Variants in LNX1 observed in about 807,000 individuals in gnomAD.
The protein encoded by LNX1 is E3 ubiquitin-protein ligase LNX.
A neutral mutation model predicts 68.4 loss-of-function variants in LNX1; 54 were observed. The ratio of observed to expected loss-of-function variants is 0.79; its 90% confidence interval spans 0.63 to 0.99. LNX1 has a LOEUF of 0.99. Among genes scored for constraint, LNX1 ranks in the 50% least tolerant of loss-of-function variants. The pLI is 0.00. For synonymous variants in LNX1, 336 were observed against 350.0 expected (o/e 0.96, Z 0.45); for missense variants, 906 against 926.4 (o/e 0.98, Z 0.29).
At chr4:53,628,193 T>A (rs1734144652) in intron 1 of LNX1, among the ~76,000 whole-genome samples, 1 of 151,998 alleles carries the variant, frequency 6.6e-6, no homozygotes, top group African/African-American at 2.4e-5. Context: ...AAAATAATCA[T>A]CAGGAGAAAC....
intron 2 of LNX1, among the ~76,000 whole-genome samples, chr4:53,545,495 C>T (rs923796966): frequency 2.0e-5 from 3 of 152,204 alleles, no homozygotes; most frequent in African/African-American, 4.8e-5. Context: ...GAAGTTTCCT[C>T]AGCCTCAATA....
At chr4:53,586,047 A>G (rs552159092) in intron 1 of LNX1, among the ~76,000 whole-genome samples, 2 of 152,282 alleles carry the variant, frequency 1.3e-5, no homozygotes, top group East Asian at 3.9e-4. Context: ...CTATTAGAAA[A>G]TGTATTAATT....
chr4:53,648,706 T>TG (rs1311155795), intron 1 of LNX1, among the ~76,000 whole-genome samples: 1 of 152,164 alleles, frequency 6.6e-6, no homozygotes, highest in Non-Finnish European at 1.5e-5. Flanking sequence ...GCTCCAACAA[T>TG]GGGGGCTGAA....
intron 9 of LNX1, among the ~76,000 whole-genome samples, chr4:53,470,021 G>A (rs925499311): frequency 6.6e-6 from 1 of 151,966 alleles, no homozygotes; most frequent in African/African-American, 2.4e-5. Flanking sequence ...TAACAAAGCC[G>A]GGCAGAGACA....
intron 2 of LNX1, among the ~76,000 whole-genome samples, chr4:53,598,448 G>C (rs552325674): frequency 3.9e-5 from 6 of 152,192 alleles, no homozygotes; most frequent in Admixed American, 2.6e-4. Context: ...GCCCAGGCTG[G>C]TCTCGAACTC....
At chr4:53,631,106 G>C (rs1734252958) in intron 1 of LNX1, among the ~76,000 whole-genome samples, 1 of 152,170 alleles carries the variant, frequency 6.6e-6, no homozygotes, top group Non-Finnish European at 1.5e-5. Flanking sequence ...GTGAGGGATA[G>C]AGGAGGAGGA....
At chr4:53,510,411 T>C (rs1373672878) in intron 2 of LNX1, among the ~76,000 whole-genome samples, 1 of 152,260 alleles carries the variant, frequency 6.6e-6, no homozygotes, top group African/African-American at 2.4e-5. Context: ...AGTTTGGTTA[T>C]ACAACCTTAT....
At chr4:53,481,337 C>T (rs1723901323) in intron 7 of LNX1, among the ~76,000 whole-genome samples, 1 of 152,218 alleles carries the variant, frequency 6.6e-6, no homozygotes, top group Non-Finnish European at 1.5e-5. Flanking sequence ...TCACTCATTT[C>T]TAGGCAGACT....
chr4:53,538,109 A>AAACAG (rs1728503092), intron 2 of LNX1, among the ~76,000 whole-genome samples: 2 of 152,382 alleles, frequency 1.3e-5, no homozygotes, highest in East Asian at 3.9e-4. Flanking sequence ...CATTAAAACA[A>AAACAG]AACAGAACAA....
At chr4:53,461,332 C>A (rs1722070104) in intron 10 of LNX1, 103 bp downstream of exon 10, 1 of 950,244 alleles carries the variant, frequency 1.1e-6, no homozygotes, top group African/African-American at 1.6e-5. Context: ...TTTTAATCCC[C>A]ACAAAGTATA....
At chr4:53,505,044 G>T (rs1449753100) in intron 4 of LNX1, among the ~76,000 whole-genome samples, 1 of 152,116 alleles carries the variant, frequency 6.6e-6, no homozygotes, top group African/African-American at 2.4e-5. Flanking sequence ...AAACAGACTT[G>T]TTGGCTACAG....
At chr4:53,585,526 T>C (rs1379454527) in intron 1 of LNX1, among the ~76,000 whole-genome samples, 2 of 152,146 alleles carry the variant, frequency 1.3e-5, no homozygotes, top group Non-Finnish European at 1.5e-5. Flanking sequence ...TCTAAGAAGG[T>C]GTCATGAGGT....
rs1441033878 is a variant in LNX1, at chr4:53,581,662, TACTC to T, written c.-86-7578_-86-7575del. Among the ~76,000 whole-genome samples the T allele has an allele frequency of 4.6e-5, 7 of 152,256 alleles. No homozygotes were observed. The South Asian group carries it at 1.5e-3, about 32-fold the overall frequency. On this transcript the variant is annotated intron_variant, in intron 1 of 10. Coordinates refer to ENST00000263925, the MANE Select transcript of LNX1 (RefSeq NM_001126328.3). The stretch of plus-strand genomic sequence containing the variant: ...TAAAACCAACATATCTCATGAGACT[TACTC>T]ACTATCGCAAGAATAGCATGGGAAA...
In LNX1 at chr4:53,459,487, G is replaced by T. The variant is rs1196519000; in HGVS notation, c.*1420C>A. 1.9e-6 allele frequency: 3 copies of T among 1,612,370 alleles called. No individual in the cohort carries two copies. Among genetic ancestry groups the T allele is most frequent in the Non-Finnish European group, 2.5e-6 (3 of 1,178,738 alleles). On this transcript the variant is annotated 3_prime_UTR_variant, in exon 11 of 11. Coordinates refer to ENST00000263925, the MANE Select transcript of LNX1 (RefSeq NM_001126328.3). ...CCTTTTGTGTATATTAGTACCAGAA[G>T]TAGATACTATAAATCTTGTTATTTT...
intron 2 of LNX1, among the ~76,000 whole-genome samples, chr4:53,508,861 C>T (rs1726116908): frequency 6.6e-6 from 1 of 152,066 alleles, no homozygotes. Flanking sequence ...GCCATGTTGT[C>T]TACCATTAAG....
chr4:53,548,655 C>T (rs1351019655), intron 2 of LNX1, among the ~76,000 whole-genome samples: 1 of 152,150 alleles, frequency 6.6e-6, no homozygotes, highest in Non-Finnish European at 1.5e-5. Flanking sequence ...ACCATCCCAC[C>T]CAGCAATCCC....
intron 9 of LNX1, among the ~76,000 whole-genome samples, chr4:53,466,724 G>C (rs1408498060): frequency 6.6e-6 from 1 of 152,246 alleles, no homozygotes; most frequent in Non-Finnish European, 1.5e-5. Flanking sequence ...CTATGCCCAA[G>C]GAGCCTTGCT....
intron 1 of LNX1, among the ~76,000 whole-genome samples, chr4:53,581,696 C>T (rs7683461): frequency 0.27 from 40,950 of 151,966 alleles, 5,630 homozygotes; most frequent in Admixed American, 0.31. Flanking sequence ...GGGAAAAACC[C>T]GCCCCCATGA....
Position 53,507,316 on chromosome 4 carries a change from C to A in LNX1, c.775+1G>T. Reference sequence around the variant, plus strand: ...TCCAGCCTTATGGGGAGTTCATTTACCTTCAGGGGCAGTGGTGTTTTCAGA... The same window carrying A: ...TCCAGCCTTATGGGGAGTTCATTTAACTTCAGGGGCAGTGGTGTTTTCAGA... On this transcript the variant is annotated splice_donor_variant, in intron 4 of 10. Coordinates refer to ENST00000263925, the MANE Select transcript of LNX1 (RefSeq NM_001126328.3). LOFTEE classifies it high-confidence loss of function. The A allele has an allele frequency of 1.9e-6, 3 of 1,613,812 alleles. No homozygotes were observed. Among genetic ancestry groups the A allele is most frequent in the Non-Finnish European group, 2.5e-6 (3 of 1,179,902 alleles).
Sources: allele counts gnomAD v4.1 joint callset (sites outside exome capture counted in the v4.1 genomes callset), GRCh38; gene constraint gnomAD v4.1.1; transcripts MANE v1.5; gene names NCBI Gene and HGNC (gene_info 2026-07-23, HGNC 2026-07-21).